CSMD1: variants seen among roughly 807,000 people sequenced by gnomAD.
CSMD1 encodes CUB and Sushi multiple domains 1, also known as CUB and sushi domain-containing protein 1.
Under a neutral mutation model 417.5 loss-of-function variants are expected in CSMD1, and 213 were observed. The observed-to-expected ratio is 0.51, with a 90% CI of 0.46 to 0.57. The LOEUF is 0.57. CSMD1 is among the 20% of genes least tolerant of loss of function. The pLI, the probability that CSMD1 is intolerant of heterozygous loss-of-function variation, is 0.00. For synonymous variants in CSMD1, 2,862 were observed against 1,736.8 expected, an observed-to-expected ratio of 1.65 and a Z score of -16.11; for missense variants, 6,923 against 4,529.7, an observed-to-expected ratio of 1.53 and a Z score of -15.17.
At chr8:4,819,981 G>C (rs1035073448) in intron 1 of CSMD1, among the ~76,000 whole-genome samples, 4 of 152,128 alleles carry the variant, frequency 2.6e-5, no homozygotes, top group African/African-American at 7.2e-5. Flanking sequence ...TATTGTAATT[G>C]GTAAACCTAT....
chr8:4,458,794 A>G (rs867085220), intron 2 of CSMD1, among the ~76,000 whole-genome samples: 2 of 152,068 alleles, frequency 1.3e-5, no homozygotes, highest in Non-Finnish European at 1.5e-5. Flanking sequence ...GGAATATTTA[A>G]TTTTTTTTAA....
chr8:4,469,703 C>A (rs1800412045), intron 2 of CSMD1, among the ~76,000 whole-genome samples: 1 of 152,058 alleles, frequency 6.6e-6, no homozygotes, highest in Non-Finnish European at 1.5e-5. Flanking sequence ...GGCCTAACGT[C>A]ACCACTTTTG....
At position 4,485,698 on chromosome 8, in the gene CSMD1, A is replaced by T. The variant is rs1052483214; in HGVS notation, c.303-65633T>A. On this transcript the variant is annotated intron_variant, in intron 2 of 69. Transcript: ENST00000635120. ...CCAAAATCAAGCTGTTAACAAATTAACAAAAGAAATCCCAAAATAAGTACA... is the reference window on the plus strand; with the variant it reads ...CCAAAATCAAGCTGTTAACAAATTATCAAAAGAAATCCCAAAATAAGTACA... 3.3e-5 allele frequency among the ~76,000 whole-genome samples: 5 copies of T among 152,286 alleles called. No individual in the cohort carries two copies. The East Asian group carries it at 9.7e-4, about 29-fold the overall frequency.
intron 1 of CSMD1, among the ~76,000 whole-genome samples, chr8:4,791,430 T>C (rs971708070): frequency 6.6e-6 from 1 of 152,162 alleles, no homozygotes; most frequent in Non-Finnish European, 1.5e-5. Flanking sequence ...TGGGACCCCA[T>C]CCCTTGGTCT....
At position 4,494,838 on chromosome 8, in the gene CSMD1, A is replaced by C. The variant is rs371716591; in HGVS notation, c.303-74773T>G. ...GAAAGAGAATAAACTTAGAAAATAG[A>C]GTCAGGGTAGGTAGCAATTCTACCT... On this transcript the variant is annotated intron_variant, in intron 2 of 69. Coordinates refer to ENST00000635120, the MANE Select transcript of CSMD1 (RefSeq NM_033225.6). Among the ~76,000 whole-genome samples the C allele has an allele frequency of 2.1e-4, 32 of 152,330 alleles. No individual in the cohort carries two copies. In the South Asian group the frequency reaches 6.2e-3, roughly 30 times the overall value.
chr8:4,158,068 C>A (rs1796935930), intron 3 of CSMD1, among the ~76,000 whole-genome samples: 1 of 150,442 alleles, frequency 6.6e-6, no homozygotes, highest in Non-Finnish European at 1.5e-5. Flanking sequence ...CCCTGCTTCC[C>A]CATTACAATA....
At chr8:4,419,821 A>C in intron 3 of CSMD1, 132 bp downstream of exon 3, 1 of 597,088 alleles carries the variant, frequency 1.7e-6, no homozygotes, top group South Asian at 2.0e-5. Context: ...ATTGCATTAC[A>C]CAGAAGCCAA....
At chr8:3,017,483 T>C (rs1402128651) in intron 52 of CSMD1, among the ~76,000 whole-genome samples, 1 of 152,172 alleles carries the variant, frequency 6.6e-6, no homozygotes, top group African/African-American at 2.4e-5. Flanking sequence ...CAATAATATA[T>C]AATGCACTAA....
At chr8:4,542,943 A>T (rs1471832203) in intron 2 of CSMD1, among the ~76,000 whole-genome samples, 1 of 152,190 alleles carries the variant, frequency 6.6e-6, no homozygotes, top group Non-Finnish European at 1.5e-5. Flanking sequence ...GCCTCCATAC[A>T]GTTATAATCA....
chr8:3,425,098 C>T (rs1240601293), intron 12 of CSMD1, among the ~76,000 whole-genome samples: 1 of 152,104 alleles, frequency 6.6e-6, no homozygotes, highest in Admixed American at 6.5e-5. Flanking sequence ...TCCCAGCATC[C>T]CAAAGCGCCA....
intron 2 of CSMD1, among the ~76,000 whole-genome samples, chr8:4,578,636 G>A (rs1486883362): frequency 2.0e-5 from 3 of 150,926 alleles, no homozygotes; most frequent in African/African-American, 7.3e-5. Context: ...CCAACATGGT[G>A]AAACCCCATC....
intron 2 of CSMD1, among the ~76,000 whole-genome samples, chr8:4,469,743 G>A (rs748986720): frequency 5.3e-5 from 8 of 152,094 alleles, no homozygotes; most frequent in African/African-American, 9.7e-5. Flanking sequence ...CTGCACAGGA[G>A]GCAATGGAAG....
chr8:4,580,257 C>G (rs1469444515), intron 2 of CSMD1, among the ~76,000 whole-genome samples: 3 of 152,184 alleles, frequency 2.0e-5, no homozygotes, highest in Admixed American at 6.5e-5. Context: ...CCTCTGCTCT[C>G]GGCTGTGGTC....
intron 18 of CSMD1, among the ~76,000 whole-genome samples, chr8:3,385,931 T>C (rs2116802389): frequency 6.6e-6 from 1 of 152,250 alleles, no homozygotes; most frequent in East Asian, 1.9e-4. Flanking sequence ...CACTAGGTAA[T>C]TTCTGCCACC....
At chr8:3,999,876 G>T (rs1174635383) in intron 4 of CSMD1, among the ~76,000 whole-genome samples, 1 of 152,052 alleles carries the variant, frequency 6.6e-6, no homozygotes, top group African/African-American at 2.4e-5. Context: ...TTGTGGAAAG[G>T]GCTGCCCATG....
chr8:4,962,466 C>T (rs768535238), intron 1 of CSMD1, among the ~76,000 whole-genome samples: 5 of 152,244 alleles, frequency 3.3e-5, no homozygotes, highest in Admixed American at 2.6e-4. Context: ...CCACCTAGGC[C>T]ATCTAAAGCT....
intron 17 of CSMD1, among the ~76,000 whole-genome samples, chr8:3,391,761 C>T (rs1008069254): frequency 6.6e-6 from 1 of 152,210 alleles, no homozygotes; most frequent in African/African-American, 2.4e-5. Context: ...CCTCGAGTAC[C>T]TGTGGCTGTG....
At chr8:3,219,764 G>A (rs1326071041) in intron 28 of CSMD1, among the ~76,000 whole-genome samples, 2 of 152,050 alleles carry the variant, frequency 1.3e-5, no homozygotes, top group African/African-American at 4.8e-5. Flanking sequence ...TGCTAAATGA[G>A]ATGTAATTTA....
chr8:3,374,933 A>T (rs1810210433), intron 18 of CSMD1, among the ~76,000 whole-genome samples: 1 of 152,132 alleles, frequency 6.6e-6, no homozygotes, highest in Non-Finnish European at 1.5e-5. Context: ...TGAATTCAAC[A>T]AGTTTATGGA....
Sources: allele counts gnomAD v4.1 joint callset (sites outside exome capture counted in the v4.1 genomes callset), GRCh38; gene constraint gnomAD v4.1.1; transcripts MANE v1.5; gene names NCBI Gene and HGNC (gene_info 2026-07-23, HGNC 2026-07-21).